IP6K1: variants seen among roughly 807,000 people sequenced by gnomAD.
The protein encoded by IP6K1 is inositol hexakisphosphate kinase 1.
IP6K1 carries 13 observed loss-of-function variants against 38.3 expected under a neutral mutation model. The ratio of observed to expected loss-of-function variants is 0.34; its 90% confidence interval spans 0.22 to 0.54. The LOEUF (loss-of-function observed/expected upper bound fraction) is 0.54, where lower values mean the gene tolerates loss of function less well. Among genes scored for constraint, IP6K1 ranks in the 20% least tolerant of loss-of-function variants. IP6K1 has a pLI of 0.92. For synonymous variants in IP6K1, 212 were observed against 229.9 expected (o/e 0.92, Z 0.70); for missense variants, 397 against 599.8 (o/e 0.66, Z 3.53).
intron 4 of IP6K1, 45 bp downstream of exon 4, chr3:49,732,746 C>T: frequency 6.5e-7 from 1 of 1,549,512 alleles, no homozygotes; most frequent in Non-Finnish European, 8.8e-7. Flanking sequence ...AACACACGAC[C>T]TATGGACCCA....
chr3:49,737,616 G>T (rs1355117144), intron 3 of IP6K1, among the ~76,000 whole-genome samples: 1 of 152,198 alleles, frequency 6.6e-6, no homozygotes, highest in African/African-American at 2.4e-5. Flanking sequence ...AACCCAGGAG[G>T]GAGAGGTTGC....
chr3:49,775,004 T>C (rs2080994502), intron 1 of IP6K1, among the ~76,000 whole-genome samples: 1 of 152,230 alleles, frequency 6.6e-6, no homozygotes. Context: ...GGTATGTTTC[T>C]ATTTAAAAAC....
chr3:49,771,849 CAATAAA>C (rs2080962450), intron 1 of IP6K1, among the ~76,000 whole-genome samples: 1 of 152,050 alleles, frequency 6.6e-6, no homozygotes, highest in South Asian at 2.1e-4. Flanking sequence ...TACTATATAG[CAATAAA>C]AATAAACTAC....
chr3:49,773,119 C>T (rs1009434448), intron 1 of IP6K1, among the ~76,000 whole-genome samples: 3 of 152,202 alleles, frequency 2.0e-5, no homozygotes, highest in African/African-American at 7.2e-5. Flanking sequence ...GCCATTGCAC[C>T]TGGCCAATTA....
At chr3:49,769,718 T>C (rs761268984) in intron 1 of IP6K1, among the ~76,000 whole-genome samples, 1 of 152,232 alleles carries the variant, frequency 6.6e-6, no homozygotes, top group Non-Finnish European at 1.5e-5. Context: ...AGAGGCTTCA[T>C]GGTTTCTTCC....
chr3:49,784,150 C>T (rs1178406208), intron 1 of IP6K1, among the ~76,000 whole-genome samples: 1 of 151,982 alleles, frequency 6.6e-6, no homozygotes, highest in Non-Finnish European at 1.5e-5. Flanking sequence ...CATGCACCAC[C>T]ACGCCCAGCT....
rs1445873544 is a variant in IP6K1 at position 49,782,570 on chromosome 3, G to A, written c.-129+3784C>T. Among the ~76,000 whole-genome samples, 6 of 152,068 alleles carry A rather than the reference G, an allele frequency of 3.9e-5. 1 individual carries two copies. The highest frequency in any genetic ancestry group is 1.4e-4 in the African/African-American group (6 of 41,404). The stretch of plus-strand genomic sequence containing the variant: ...TCATGCCTGCACTTTAGGAACCCGA[G>A]GCAGGAGGATCATTTGCACCCACGA... On this transcript the variant is annotated intron_variant, in intron 1 of 5. Coordinates refer to ENST00000321599, the MANE Select transcript of IP6K1 (RefSeq NM_153273.4).
intron 1 of IP6K1, among the ~76,000 whole-genome samples, chr3:49,766,173 C>T (rs1375365540): frequency 3.3e-5 from 5 of 151,790 alleles, no homozygotes; most frequent in Non-Finnish European, 7.4e-5. Context: ...AAGACTCCAT[C>T]TCAAAAAAAC....
At chr3:49,783,647 A>G (rs2081087184) in intron 1 of IP6K1, among the ~76,000 whole-genome samples, 1 of 151,188 alleles carries the variant, frequency 6.6e-6, no homozygotes, top group African/African-American at 2.4e-5. Context: ...CAGGAGGTGG[A>G]GCTTGCAGTA....
At chr3:49,753,538 T>C (rs2080796607) in intron 1 of IP6K1, among the ~76,000 whole-genome samples, 1 of 152,232 alleles carries the variant, frequency 6.6e-6, no homozygotes, top group African/African-American at 2.4e-5. Flanking sequence ...ATGTCAGTTA[T>C]ATGAGTATCC....
intron 2 of IP6K1, among the ~76,000 whole-genome samples, chr3:49,745,875 C>CA (rs1423880695): frequency 6.8e-6 from 1 of 146,284 alleles, no homozygotes; most frequent in Admixed American, 6.8e-5. Context: ...AAAAAAAAGA[C>CA]AGAAACAACC....
chr3:49,783,227 C>A (rs2108267383), intron 1 of IP6K1, among the ~76,000 whole-genome samples: 1 of 151,994 alleles, frequency 6.6e-6, no homozygotes. Context: ...CCAGTCTGGG[C>A]AACTGAGACC....
intron 4 of IP6K1, among the ~76,000 whole-genome samples, chr3:49,728,956 ATTT>A (rs11433643): frequency 7.0e-6 from 1 of 143,356 alleles, no homozygotes; most frequent in Non-Finnish European, 1.5e-5. Context: ...GGCATGCCTA[ATTT>A]TTTTTTTTTT....
intron 1 of IP6K1, among the ~76,000 whole-genome samples, chr3:49,752,362 C>T (rs1002998237): frequency 6.6e-6 from 1 of 151,638 alleles, no homozygotes; most frequent in Admixed American, 6.6e-5. Flanking sequence ...GTGGCGGGCG[C>T]CTGTAGTCCC....
chr3:49,768,005 C>T (rs1211725454), intron 1 of IP6K1, among the ~76,000 whole-genome samples: 2 of 140,464 alleles, frequency 1.4e-5, no homozygotes, highest in African/African-American at 5.3e-5. Flanking sequence ...ATCAAAGCCA[C>T]AATGAGAAAC....
At position 49,727,278 on chromosome 3, in the gene IP6K1, CTGA is replaced by C; in HGVS notation, c.1167_1169del (p.Gln390del). The C allele has an allele frequency of 6.2e-7, 1 of 1,614,168 alleles. No individual in the cohort carries two copies. Among genetic ancestry groups the C allele is most frequent in the Non-Finnish European group, 8.5e-7 (1 of 1,180,032 alleles). On this transcript the variant is annotated inframe_deletion, in exon 6 of 6. Coordinates refer to ENST00000321599, the MANE Select transcript of IP6K1 (RefSeq NM_153273.4). This position sits in a 1 kb window ranked among gnomAD's most constrained non-coding sequence, Gnocchi z 5.9. ...CAATCATGCGGACATCCACCTTGGG[CTGA>C]GAGGAGGGACCCGCCTCGGGGCTGG...
chr3:49,750,863 TTG>T (rs1458704731), intron 1 of IP6K1, among the ~76,000 whole-genome samples: 1 of 152,208 alleles, frequency 6.6e-6, no homozygotes, highest in Non-Finnish European at 1.5e-5. Flanking sequence ...GGCATTGTTT[TTG>T]TGTTTGAAAT....
intron 2 of IP6K1, among the ~76,000 whole-genome samples, chr3:49,742,929 A>G (rs1026424657): frequency 2.0e-5 from 3 of 151,988 alleles, no homozygotes; most frequent in African/African-American, 4.8e-5. Flanking sequence ...CTAAAATTTT[A>G]TATTAAAAAA....
At chr3:49,764,698 G>A (rs1451970013) in intron 1 of IP6K1, among the ~76,000 whole-genome samples, 1 of 152,030 alleles carries the variant, frequency 6.6e-6, no homozygotes, top group Non-Finnish European at 1.5e-5. Context: ...GGCCAACATG[G>A]CACAATCCCA....
Sources: gnomAD v4.1 joint callset for allele counts (sites outside exome capture counted in the v4.1 genomes callset) on GRCh38, gnomAD v4.1.1 for gene constraint, Gnocchi (gnomAD v3.1) non-coding constraint, MANE v1.5 for transcripts, NCBI Gene and HGNC (gene_info 2026-07-23, HGNC 2026-07-21) for gene names.